TNR: variants seen among roughly 807,000 people sequenced by gnomAD.
The protein encoded by TNR is tenascin R, also known as tenascin-R.
TNR carries 45 observed loss-of-function variants against 150.4 expected under a neutral mutation model. The ratio of observed to expected loss-of-function variants is 0.30; its 90% CI spans 0.24 to 0.38. TNR has a LOEUF of 0.38. TNR is among the 10% of genes least tolerant of loss of function. TNR has a pLI of 1.00. For missense variants in TNR, 1,544 were observed against 1,759.1 expected, an observed-to-expected ratio of 0.88 and a Z score of 2.19; for synonymous variants, 687 against 678.4, an observed-to-expected ratio of 1.01 and a Z score of -0.20.
chr1:175,677,629 G>T (rs1219194665), intron 1 of TNR, among the ~76,000 whole-genome samples: 1 of 152,172 alleles, frequency 6.6e-6, no homozygotes, highest in Non-Finnish European at 1.5e-5. Context: ...GCCAAGACAG[G>T]CAGGGAGGAG....
At chr1:175,385,855 G>A (rs1652890656) in intron 8 of TNR, among the ~76,000 whole-genome samples, 177 bp downstream of exon 8, 1 of 152,184 alleles carries the variant, frequency 6.6e-6, no homozygotes, top group African/African-American at 2.4e-5. Context: ...TAGTGAGGGA[G>A]CGCTGCTTTT....
At chr1:175,365,839 C>T (rs771709835) in intron 11 of TNR, 36 bp downstream of exon 11, 5 of 1,599,690 alleles carry the variant, frequency 3.1e-6, no homozygotes, top group Non-Finnish European at 1.7e-6. Context: ...ATCCACTGAT[C>T]CCTGAACCTG....
At position 175,393,845 on chromosome 1, in the gene TNR, C is replaced by A. The variant is rs778097851; in HGVS notation, c.1291G>T (p.Val431Leu). ...LQFKTITETT[V>L]EVQWEPFSFS... The stretch of plus-strand genomic sequence containing the variant: ...GAGAAGGGCTCCCACTGCACCTCCA[C>A]GGTGGTCTCTGTGATCGTCTTAAAT... Residue 431 changes from valine (V) to leucine (L), a missense_variant, in exon 6 of 23, where the codon GTG (valine) becomes TTG (leucine). By Grantham distance (32) the Val-to-Leu change is conservative. This residue lies in a region of TNR where 1,254 missense variants were observed against 1,329.4 expected (regional missense o/e 0.94). Coordinates refer to ENST00000367674, the MANE Select transcript of TNR (RefSeq NM_003285.3). 1 of 1,614,220 alleles carries A rather than the reference C, an allele frequency of 6.2e-7. No individual in the cohort carries two copies. Among genetic ancestry groups the A allele is most frequent in the South Asian group, 1.1e-5 (1 of 91,088 alleles).
At chr1:175,387,521 C>T (rs1223095133) in intron 7 of TNR, among the ~76,000 whole-genome samples, 3 of 152,128 alleles carry the variant, frequency 2.0e-5, no homozygotes, top group African/African-American at 7.2e-5. Context: ...AACCAGTGGC[C>T]ATGCAGAGCT....
At chr1:175,395,905 A>G (rs2102038820) in intron 5 of TNR, among the ~76,000 whole-genome samples, 1 of 152,276 alleles carries the variant, frequency 6.6e-6, no homozygotes, top group South Asian at 2.1e-4. Flanking sequence ...AAAACTGTTC[A>G]TTTCTTATGG....
At chr1:175,634,014 C>T (rs201895977) in intron 1 of TNR, among the ~76,000 whole-genome samples, 6 of 79,708 alleles carry the variant, frequency 7.5e-5, no homozygotes, top group African/African-American at 2.4e-4. Flanking sequence ...ATGATGATGA[C>T]GATGATGATG....
intron 3 of TNR, among the ~76,000 whole-genome samples, chr1:175,404,047 G>T (rs1653842019): frequency 6.6e-6 from 1 of 152,160 alleles, no homozygotes; most frequent in African/African-American, 2.4e-5. Flanking sequence ...CTTGGGTTCA[G>T]TTCTGCAGGG....
Position 175,406,227 on chromosome 1 carries a change from C to A in TNR, c.488G>T (p.Ser163Ile). Residue 163 changes from serine (S) to isoleucine (I), a missense_variant, in exon 3 of 23, where the codon AGT (serine) becomes ATT (isoleucine). Coordinates refer to ENST00000367674, the MANE Select transcript of TNR (RefSeq NM_003285.3). ...CTCCCGGACTCTACCTGTGGCAGCA[C>A]TTTCTTGGCAGCAGTTGGCGTTGCA... ...DQCNANCCQESAATGQLDYIP... is the reference protein window; with the variant it reads ...DQCNANCCQEIAATGQLDYIP... 2.5e-6 allele frequency: 4 copies of A among 1,613,890 alleles called. No individual in the cohort carries two copies. The highest frequency in any genetic ancestry group is 3.4e-6 in the Non-Finnish European group (4 of 1,179,846).
chr1:175,380,971 C>G (rs914706559), intron 8 of TNR, among the ~76,000 whole-genome samples: 1 of 152,288 alleles, frequency 6.6e-6, no homozygotes, highest in East Asian at 1.9e-4. Context: ...TCAATGTGAG[C>G]GCAGAGGCTT....
chr1:175,640,193 T>G (rs1019807320), intron 1 of TNR, among the ~76,000 whole-genome samples: 20 of 152,244 alleles, frequency 1.3e-4, no homozygotes, highest in African/African-American at 4.3e-4. Context: ...GTATGCCTTC[T>G]ACACAGCTTA....
rs1292312203 is a variant in TNR, at chr1:175,599,375, C to T, written c.-164-71006G>A. On this transcript the variant is annotated intron_variant, in intron 1 of 22. Transcript: ENST00000367674. This position sits in a 1 kb window ranked among gnomAD's most constrained non-coding sequence, Gnocchi z 4.7. ...GCACACACGCGCCTTCTGCTCACAC[C>T]TCAGGCAGTCGGAGGGGCCCGGCGG... Among the ~76,000 whole-genome samples the T allele has an allele frequency of 2.0e-5, 3 of 152,262 alleles. No homozygotes were observed. Among genetic ancestry groups the T allele is most frequent in the African/African-American group, 7.2e-5 (3 of 41,474 alleles).
chr1:175,674,409 T>C (rs1263520492), intron 1 of TNR, among the ~76,000 whole-genome samples: 2 of 152,124 alleles, frequency 1.3e-5, no homozygotes, highest in African/African-American at 4.8e-5. Context: ...TCAAAGTCCA[T>C]TCTTTATATT....
At chr1:175,450,344 C>T (rs776660957) in intron 2 of TNR, among the ~76,000 whole-genome samples, 6 of 152,198 alleles carry the variant, frequency 3.9e-5, no homozygotes, top group Non-Finnish European at 8.8e-5. Flanking sequence ...TAGTCCCTTG[C>T]AACTGTCAGC....
At chr1:175,396,931 CT>C (rs1202000308) in intron 4 of TNR, 124 bp from the exon 5 acceptor site, 6 of 1,283,894 alleles carry the variant, frequency 4.7e-6, no homozygotes, top group African/African-American at 1.5e-5. Flanking sequence ...GGCTCAATGG[CT>C]TTAAGTGATT....
chr1:175,684,324 A>G (rs948160407), intron 1 of TNR, among the ~76,000 whole-genome samples: 2 of 152,132 alleles, frequency 1.3e-5, no homozygotes, highest in Non-Finnish European at 2.9e-5. Context: ...CTACCCTCCT[A>G]CCCTCCCAGA....
At chr1:175,343,087 G>A (rs901187767) in intron 18 of TNR, among the ~76,000 whole-genome samples, 1 of 152,156 alleles carries the variant, frequency 6.6e-6, no homozygotes, top group Admixed American at 6.5e-5. Flanking sequence ...ACTTTAGCCA[G>A]AGTGACCTTT....
intron 9 of TNR, among the ~76,000 whole-genome samples, chr1:175,369,281 G>A (rs904469377): frequency 3.3e-5 from 5 of 152,100 alleles, no homozygotes; most frequent in African/African-American, 1.2e-4. Flanking sequence ...GTCCTCCCAC[G>A]GTTCTGAAGT....
intron 9 of TNR, among the ~76,000 whole-genome samples, chr1:175,378,654 G>A (rs955775770): frequency 2.0e-5 from 3 of 152,238 alleles, no homozygotes; most frequent in African/African-American, 7.2e-5. Context: ...GCATTTGCCA[G>A]TCCTATATAG....
intron 2 of TNR, among the ~76,000 whole-genome samples, chr1:175,434,638 A>G (rs540294150): frequency 6.7e-4 from 102 of 152,336 alleles, no homozygotes; most frequent in Non-Finnish European, 1.2e-3. Flanking sequence ...GGTCTACGAT[A>G]TGACTCTGTT....
Sources: gnomAD v4.1 joint callset for allele counts (sites outside exome capture counted in the v4.1 genomes callset) on GRCh38, gnomAD v4.1.1 for gene constraint, gnomAD v4.1.1 regional missense constraint, Gnocchi (gnomAD v3.1) non-coding constraint, MANE v1.5 for transcripts, NCBI Gene and HGNC (gene_info 2026-07-23, HGNC 2026-07-21) for gene names.